The following PRR16 variants were observed in gnomAD, a reference collection of about 807,000 sequenced individuals.
The protein encoded by PRR16 is proline rich 16.
In PRR16, 6 loss-of-function variants were observed where a neutral mutation model predicts 18.2. The ratio of observed to expected loss-of-function variants is 0.33; its 90% CI spans 0.18 to 0.65. The LOEUF is 0.65. Among genes scored for constraint, PRR16 ranks in the 30% least tolerant of loss-of-function variants. The probability of loss-of-function intolerance (pLI) is 0.74; values close to 1 mark genes in which losing one functional copy is unlikely to be tolerated. For synonymous variants in PRR16, 151 were observed against 147.8 expected (o/e 1.02, Z -0.16); for missense variants, 412 against 376.6 (o/e 1.09, Z -0.78).
the PRR16 span, among the ~76,000 whole-genome samples, chr5:120,702,973 G>A: frequency 1.5e-3 from 223 of 152,276 alleles, 1 homozygote; most frequent in African/African-American, 5.0e-3. Context: ...ATGCACGTCC[G>A]TGTGAAGAGA....
chr5:120,701,596 G>A, the PRR16 span, among the ~76,000 whole-genome samples: 1 of 152,146 alleles, frequency 6.6e-6, no homozygotes, highest in African/African-American at 2.4e-5. Context: ...ATAGGGTGGA[G>A]GAGCAGAGGC....
intron 1 of PRR16, among the ~76,000 whole-genome samples, chr5:120,548,381 G>C (rs935791924): frequency 6.6e-6 from 1 of 152,060 alleles, no homozygotes; most frequent in African/African-American, 2.4e-5. Flanking sequence ...AGCTCAGCTA[G>C]CCTTTAGTTA....
intron 1 of PRR16, among the ~76,000 whole-genome samples, chr5:120,647,192 A>G (rs955289751): frequency 6.6e-6 from 1 of 151,970 alleles, no homozygotes; most frequent in Non-Finnish European, 1.5e-5. Flanking sequence ...TAGAATGGGA[A>G]TTAAAAAGGA....
At chr5:120,629,428 A>G (rs1036392885) in intron 1 of PRR16, among the ~76,000 whole-genome samples, 1 of 152,058 alleles carries the variant, frequency 6.6e-6, no homozygotes, top group Non-Finnish European at 1.5e-5. Context: ...TGTTTTTTGT[A>G]ACATTATTTC....
chr5:120,790,714 AT>A, the PRR16 span: 2 of 152,164 alleles, frequency 1.3e-5, no homozygotes, highest in East Asian at 3.8e-4. Context: ...TGTCACTTCC[AT>A]TCAGGGTAAT....
At chr5:120,544,905 C>T (rs1245098455) in intron 1 of PRR16, among the ~76,000 whole-genome samples, 1 of 152,074 alleles carries the variant, frequency 6.6e-6, no homozygotes, top group East Asian at 1.9e-4. Context: ...TATGATTTTC[C>T]CACATACAGA....
At chr5:120,578,191 T>C (rs1341470640) in intron 1 of PRR16, among the ~76,000 whole-genome samples, 1 of 152,220 alleles carries the variant, frequency 6.6e-6, no homozygotes, top group Non-Finnish European at 1.5e-5. Context: ...TTGATTGTGG[T>C]TTTATTGTCC....
At chr5:120,712,789 GT>G in the PRR16 span, among the ~76,000 whole-genome samples, 1 of 152,012 alleles carries the variant, frequency 6.6e-6, no homozygotes, top group Non-Finnish European at 1.5e-5. Context: ...TTTATACTTG[GT>G]TAGCTAGCTA....
In PRR16 at chr5:120,686,389, G is replaced by T. The variant is rs1181121807; in HGVS notation, c.595G>T (p.Ala199Ser). The T allele has an allele frequency of 1.9e-6, 3 of 1,614,098 alleles. No individual in the cohort carries two copies. The highest frequency in any genetic ancestry group is 1.3e-5 in the African/African-American group (1 of 75,022). The change falls in exon 2 of 2, where the codon GCA becomes TCA. Residue 199 changes from alanine (A) to serine (S), a missense_variant. By Grantham distance (99) the Ala-to-Ser change is moderately conservative. Transcript: ENST00000407149. ...ACCTGAAAAAGACAGATGTCCCCAGGCAGGGCCTCGAGAACGAGTTCGGTT... is the reference window on the plus strand; with the variant it reads ...ACCTGAAAAAGACAGATGTCCCCAGTCAGGGCCTCGAGAACGAGTTCGGTT... ...HRPEKDRCPQ[A>S]GPRERVRFNE...
At chr5:120,596,133 CTCT>C (rs1010890853) in intron 1 of PRR16, among the ~76,000 whole-genome samples, 2 of 72,160 alleles carry the variant, frequency 2.8e-5, no homozygotes, top group African/African-American at 6.3e-5. Flanking sequence ...TTTTTTTTAT[CTCT>C]TGTCTTTTTT....
At chr5:120,694,618 G>A in the PRR16 span, among the ~76,000 whole-genome samples, 4 of 151,052 alleles carry the variant, frequency 2.6e-5, no homozygotes, top group African/African-American at 7.3e-5. Context: ...CCAGGGGGCG[G>A]AGCTTGCAGT....
chr5:120,611,951 C>A (rs1414810259), intron 1 of PRR16, among the ~76,000 whole-genome samples: 1 of 152,162 alleles, frequency 6.6e-6, no homozygotes, highest in African/African-American at 2.4e-5. Flanking sequence ...GGAGGCTGTA[C>A]CCTGCACAGC....
intron 1 of PRR16, among the ~76,000 whole-genome samples, chr5:120,667,900 T>G (rs952947149): frequency 1.1e-4 from 16 of 152,082 alleles, no homozygotes; most frequent in African/African-American, 3.6e-4. Context: ...GGAATAGGTG[T>G]GGTGTGGTGC....
chr5:120,606,877 C>T (rs2112798528), intron 1 of PRR16, among the ~76,000 whole-genome samples: 1 of 151,876 alleles, frequency 6.6e-6, no homozygotes, highest in Middle Eastern at 3.4e-3. Context: ...TGTACTCCAG[C>T]CTGGGAGACA....
chr5:120,786,636 A>C, the PRR16 span, among the ~76,000 whole-genome samples: 12 of 150,640 alleles, frequency 8.0e-5, no homozygotes, highest in African/African-American at 2.9e-4. Context: ...ATTATAAAGA[A>C]GAAAATTATA....
At chr5:120,645,544 C>G (rs1313652292) in intron 1 of PRR16, among the ~76,000 whole-genome samples, 1 of 151,958 alleles carries the variant, frequency 6.6e-6, no homozygotes, top group Non-Finnish European at 1.5e-5. Flanking sequence ...AATACATATT[C>G]CCCATTTCAG....
At chr5:120,517,975 G>C (rs1751051854) in intron 1 of PRR16, among the ~76,000 whole-genome samples, 1 of 152,130 alleles carries the variant, frequency 6.6e-6, no homozygotes, top group Admixed American at 6.6e-5. Flanking sequence ...AATTATCTTG[G>C]CTGGGGAAAA....
At chr5:120,742,200 T>G in the PRR16 span, among the ~76,000 whole-genome samples, 3 of 151,490 alleles carry the variant, frequency 2.0e-5, no homozygotes, top group Non-Finnish European at 4.4e-5. Context: ...CATTTGCTAA[T>G]GTAATGAACA....
intron 1 of PRR16, among the ~76,000 whole-genome samples, chr5:120,679,350 C>G (rs1756903945): frequency 6.6e-6 from 1 of 152,150 alleles, no homozygotes; most frequent in Admixed American, 6.5e-5. Flanking sequence ...TGCAAAAAAT[C>G]TATCCCTTCA....
Sources: allele counts gnomAD v4.1 joint callset (sites outside exome capture counted in the v4.1 genomes callset), GRCh38; gene constraint gnomAD v4.1.1; transcripts MANE v1.5; gene names NCBI Gene and HGNC (gene_info 2026-07-23, HGNC 2026-07-21).